Variants in KALRN observed in about 807,000 individuals in gnomAD.
The protein encoded by KALRN is kalirin.
In KALRN, 70 loss-of-function variants were observed where a neutral mutation model predicts 353.7. That is an observed-to-expected ratio of 0.20 (90% CI 0.16 to 0.24). KALRN has a LOEUF of 0.24. KALRN is among the 10% of genes least tolerant of loss of function. KALRN has a pLI of 1.00. For synonymous variants in KALRN, 1,391 were observed against 1,434.8 expected (o/e 0.97, Z 0.69); for missense variants, 2,791 against 3,756.7 (o/e 0.74, Z 6.72).
chr3:124,293,075 C>A (rs567036497), intron 5 of KALRN, among the ~76,000 whole-genome samples: 4 of 152,164 alleles, frequency 2.6e-5, no homozygotes, highest in Admixed American at 2.6e-4. Context: ...CCAGATATAA[C>A]AAGGTTCACC....
At chr3:124,076,373 G>C (rs185098283) in intron 1 of KALRN, among the ~76,000 whole-genome samples, 1 of 152,174 alleles carries the variant, frequency 6.6e-6, no homozygotes, top group Admixed American at 6.5e-5. Context: ...AATTAGAGTG[G>C]CTGGGGAAGC....
At chr3:124,623,735 A>G (rs978951082) in intron 34 of KALRN, among the ~76,000 whole-genome samples, 28 of 152,140 alleles carry the variant, frequency 1.8e-4, no homozygotes, top group Non-Finnish European at 3.5e-4. Flanking sequence ...CCTCACAGAC[A>G]CACCCAGGAT....
chr3:124,491,475 T>C (rs1447041123), intron 31 of KALRN, 51 bp downstream of exon 31: 1 of 1,357,622 alleles, frequency 7.4e-7, no homozygotes, highest in Middle Eastern at 1.9e-4. Flanking sequence ...ATAATAGAAG[T>C]GGGGGTGGGC....
At chr3:124,205,547 CATATGGT>C (rs1453795410) in intron 1 of KALRN, among the ~76,000 whole-genome samples, 1 of 152,134 alleles carries the variant, frequency 6.6e-6, no homozygotes, top group African/African-American at 2.4e-5. Context: ...ATGGGCCTGG[CATATGGT>C]ATGAAGCAAA....
intron 1 of KALRN, among the ~76,000 whole-genome samples, chr3:124,115,438 C>T (rs143841465): frequency 3.9e-5 from 6 of 152,224 alleles, no homozygotes; most frequent in South Asian, 2.1e-4. Flanking sequence ...GGCCTTCTCA[C>T]GGGAGCAGTC....
At chr3:124,617,028 T>TA in intron 34 of KALRN, among the ~76,000 whole-genome samples, 1 of 151,654 alleles carries the variant, frequency 6.6e-6, no homozygotes, top group South Asian at 2.1e-4. Flanking sequence ...ACCAGCCATT[T>TA]AATGACCAAA....
At chr3:124,228,644 TAA>T (rs1372912626) in intron 2 of KALRN, among the ~76,000 whole-genome samples, 1 of 152,212 alleles carries the variant, frequency 6.6e-6, no homozygotes, top group Non-Finnish European at 1.5e-5. Context: ...TTTTTATAAA[TAA>T]AGTTTTATTG....
rs1200296962 is a variant in KALRN, at chr3:124,629,389, A to C, written c.5183-3031A>C. ...AAACAAAGCAGTAACAACAACAACA[A>C]AAAAAACTCTTTTTATCATGTCATT... is the stretch of plus-strand genomic sequence containing the variant. On this transcript the variant is annotated intron_variant, in intron 34 of 59. Coordinates refer to ENST00000682506, the MANE Select transcript of KALRN (RefSeq NM_001388419.1). Among the ~76,000 whole-genome samples the C allele has an allele frequency of 2.6e-5, 4 of 152,126 alleles. No individual in the cohort carries two copies. In the Middle Eastern group the frequency reaches 9.5e-3, roughly 361 times the overall value.
intron 37 of KALRN, among the ~76,000 whole-genome samples, chr3:124,646,544 C>T (rs2082764674): frequency 6.6e-6 from 1 of 151,658 alleles, no homozygotes; most frequent in East Asian, 1.9e-4. Flanking sequence ...GCATGTGCCA[C>T]CACATCTGAC....
intron 34 of KALRN, among the ~76,000 whole-genome samples, chr3:124,630,065 C>T (rs2080588278): frequency 6.6e-6 from 1 of 152,218 alleles, no homozygotes; most frequent in Non-Finnish European, 1.5e-5. Flanking sequence ...AGGAAGACAT[C>T]TGAAGTGGAC....
intron 5 of KALRN, among the ~76,000 whole-genome samples, chr3:124,286,139 C>CTTTT: frequency 2.4e-5 from 1 of 41,770 alleles, no homozygotes; most frequent in East Asian, 6.0e-4. Flanking sequence ...TTCTTTCTTT[C>CTTTT]CTTTCTTTCT....
At chr3:124,465,744 G>A (rs889412242) in intron 25 of KALRN, among the ~76,000 whole-genome samples, 4 of 152,122 alleles carry the variant, frequency 2.6e-5, no homozygotes, top group Non-Finnish European at 5.9e-5. Context: ...ATTGTCTAAC[G>A]GAAACATGCT....
intron 1 of KALRN, among the ~76,000 whole-genome samples, chr3:124,102,584 C>T (rs759960417): frequency 1.5e-4 from 23 of 152,102 alleles, no homozygotes; most frequent in East Asian, 3.9e-4. Context: ...ATGTGTGACC[C>T]GTGTTTGGTA....
chr3:124,336,534 A>T (rs1427576135), intron 9 of KALRN, among the ~76,000 whole-genome samples: 3 of 151,940 alleles, frequency 2.0e-5, no homozygotes, highest in Non-Finnish European at 4.4e-5. Flanking sequence ...TGTCCTGGAG[A>T]GCTGCAGAGG....
intron 1 of KALRN, among the ~76,000 whole-genome samples, chr3:124,198,614 A>C (rs531086087): frequency 1.3e-5 from 2 of 152,188 alleles, no homozygotes; most frequent in Non-Finnish European, 2.9e-5. Flanking sequence ...AGTTCATGAC[A>C]TCCTCTTGAT....
intron 34 of KALRN, among the ~76,000 whole-genome samples, chr3:124,601,154 G>A (rs1222957381): frequency 5.3e-5 from 8 of 152,146 alleles, no homozygotes; most frequent in Admixed American, 2.6e-4. Context: ...CTTCATCTGC[G>A]CACTTGGGGA....
intron 33 of KALRN, among the ~76,000 whole-genome samples, chr3:124,501,882 T>C (rs2064614560): frequency 6.6e-6 from 1 of 152,232 alleles, no homozygotes; most frequent in Non-Finnish European, 1.5e-5. Flanking sequence ...CAGCTTACAT[T>C]CTGGTACATA....
At chr3:124,299,534 T>G (rs750284502) in intron 6 of KALRN, among the ~76,000 whole-genome samples, 1 of 152,130 alleles carries the variant, frequency 6.6e-6, no homozygotes, top group Non-Finnish European at 1.5e-5. Flanking sequence ...TGAGCAGTGT[T>G]CAGGCAGATG....
chr3:124,145,674 C>G (rs1412695546), intron 1 of KALRN, among the ~76,000 whole-genome samples: 1 of 152,218 alleles, frequency 6.6e-6, no homozygotes, highest in Non-Finnish European at 1.5e-5. Flanking sequence ...ATGAGGCTAA[C>G]AGTATCCCCA....
Sources: allele counts gnomAD v4.1 joint callset (sites outside exome capture counted in the v4.1 genomes callset), GRCh38; gene constraint gnomAD v4.1.1; transcripts MANE v1.5; gene names NCBI Gene and HGNC (gene_info 2026-07-23, HGNC 2026-07-21).